The following ARFIP1 variants were observed in gnomAD, a reference collection of about 807,000 sequenced individuals.
ARFIP1 encodes arfaptin-1.
ARFIP1 carries 24 observed loss-of-function variants against 42.5 expected under a neutral mutation model. That is an observed-to-expected ratio of 0.57 (90% CI 0.41 to 0.80). The LOEUF is 0.80. Ranked by LOEUF, ARFIP1 falls within the 30% of genes least tolerant of loss-of-function variation. The pLI is 0.00. For synonymous variants in ARFIP1, 141 were observed against 153.7 expected (o/e 0.92, Z 0.61); for missense variants, 354 against 434.0 (o/e 0.82, Z 1.64).
At chr4:152,867,497 A>G (rs1015570915) in intron 3 of ARFIP1, among the ~76,000 whole-genome samples, 7 of 152,030 alleles carry the variant, frequency 4.6e-5, no homozygotes, top group Admixed American at 4.6e-4. Context: ...AAAGAGAGGG[A>G]GAGGGAGACC....
chr4:152,810,590 T>C (rs1729365678), intron 1 of ARFIP1, among the ~76,000 whole-genome samples: 1 of 151,534 alleles, frequency 6.6e-6, no homozygotes, highest in African/African-American at 2.4e-5. Flanking sequence ...GGGTGGATCA[T>C]GAGGTCAGGA....
At chr4:152,808,099 G>A (rs1024856659) in intron 1 of ARFIP1, among the ~76,000 whole-genome samples, 2 of 151,914 alleles carry the variant, frequency 1.3e-5, no homozygotes, top group Non-Finnish European at 2.9e-5. Context: ...TCCTGCCTCA[G>A]CCTCCCAAGT....
intron 2 of ARFIP1, among the ~76,000 whole-genome samples, chr4:152,847,704 T>G (rs1158887856): frequency 3.3e-5 from 5 of 152,162 alleles, no homozygotes; most frequent in African/African-American, 9.7e-5. Context: ...TGGATGCTGT[T>G]ATAGTGCTGG....
chr4:152,886,100 T>C (rs1736238219), intron 7 of ARFIP1, among the ~76,000 whole-genome samples: 1 of 151,984 alleles, frequency 6.6e-6, no homozygotes, highest in African/African-American at 2.4e-5. Flanking sequence ...CCTAAATCTT[T>C]TGTATTTGTC....
intron 5 of ARFIP1, among the ~76,000 whole-genome samples, chr4:152,875,781 A>C (rs1488081059): frequency 2.7e-5 from 4 of 150,288 alleles, no homozygotes; most frequent in African/African-American, 9.8e-5. Context: ...CTGTGTCCCC[A>C]TCCAAATCTC....
chr4:152,857,496 T>C (rs908615207), intron 2 of ARFIP1, among the ~76,000 whole-genome samples: 3 of 152,236 alleles, frequency 2.0e-5, no homozygotes, highest in Non-Finnish European at 4.4e-5. Flanking sequence ...GTCCCAGTTT[T>C]CTCATCTGTA....
In ARFIP1 at chr4:152,852,858, T is replaced by C. The variant is rs555781335; in HGVS notation, c.94-10748T>C. The stretch of plus-strand genomic sequence containing the variant: ...ATCAGAATGATAGTTCTCTTCAGAA[T>C]TGGAATTCAACCTATTTGTATCATT... On this transcript the variant is annotated intron_variant, in intron 2 of 8. Transcript: ENST00000353617. 2.0e-5 allele frequency among the ~76,000 whole-genome samples: 3 copies of C among 152,334 alleles called. No individual in the cohort carries two copies. The East Asian group carries it at 5.8e-4, about 29-fold the overall frequency.
intron 1 of ARFIP1, among the ~76,000 whole-genome samples, chr4:152,824,311 C>CAAAAAAAAAAAAAAAAAAAA (rs111552594): frequency 8.4e-6 from 1 of 118,812 alleles, no homozygotes; most frequent in Non-Finnish European, 1.8e-5. Flanking sequence ...AGACTCTTAT[C>CAAAAAAAAAAAAAAAAAAAA]AAAAAAAAAA....
At chr4:152,845,449 A>C (rs1451821132) in intron 2 of ARFIP1, among the ~76,000 whole-genome samples, 1 of 152,222 alleles carries the variant, frequency 6.6e-6, no homozygotes. Context: ...TTTGCAGACT[A>C]TGCATCTGAC....
intron 2 of ARFIP1, among the ~76,000 whole-genome samples, chr4:152,838,913 G>T (rs938411599): frequency 5.3e-5 from 8 of 152,052 alleles, no homozygotes; most frequent in African/African-American, 1.7e-4. Flanking sequence ...GTTGGCTGTG[G>T]GGTTTCTCAT....
intron 3 of ARFIP1, among the ~76,000 whole-genome samples, chr4:152,868,944 T>G (rs1006580698): frequency 7.2e-5 from 11 of 152,228 alleles, no homozygotes; most frequent in Non-Finnish European, 1.3e-4. Flanking sequence ...CTGGGCTTCA[T>G]TAATCTTACC....
intron 1 of ARFIP1, among the ~76,000 whole-genome samples, chr4:152,790,080 C>G (rs899289242): frequency 1.3e-5 from 2 of 152,110 alleles, no homozygotes; most frequent in African/African-American, 4.8e-5. Context: ...TACACTAACT[C>G]ATGTATATAC....
At chr4:152,848,320 G>T (rs934758455) in intron 2 of ARFIP1, among the ~76,000 whole-genome samples, 1 of 152,082 alleles carries the variant, frequency 6.6e-6, no homozygotes, top group Non-Finnish European at 1.5e-5. Flanking sequence ...AATAAATGGT[G>T]AATAAATGAA....
At chr4:152,885,623 T>G (rs552081794) in intron 7 of ARFIP1, among the ~76,000 whole-genome samples, 1 of 152,084 alleles carries the variant, frequency 6.6e-6, no homozygotes, top group African/African-American at 2.4e-5. Flanking sequence ...AGTTTTACTT[T>G]GGTACCACCT....
At chr4:152,844,102 C>T (rs905900630) in intron 2 of ARFIP1, among the ~76,000 whole-genome samples, 1 of 152,212 alleles carries the variant, frequency 6.6e-6, no homozygotes, top group Non-Finnish European at 1.5e-5. Flanking sequence ...TCTGCTGCTT[C>T]GTGTACCACT....
intron 2 of ARFIP1, among the ~76,000 whole-genome samples, chr4:152,854,991 G>A (rs191017820): frequency 1.3e-5 from 2 of 152,332 alleles, no homozygotes; most frequent in East Asian, 1.9e-4. Flanking sequence ...AGGTGGGCAG[G>A]TTCTTGGACC....
rs1343488681 is a variant in ARFIP1, at chr4:152,911,761, T to C, written c.*1542T>C. On this transcript the variant is annotated 3_prime_UTR_variant, in exon 9 of 9. Transcript: ENST00000353617. ...GTAATGTGATTGTAAATCATACCTA[T>C]TTTAAATCATTCCTTCCTGTATATT... The C allele has an allele frequency of 6.6e-6, 1 of 152,628 alleles. No individual in the cohort carries two copies. Among genetic ancestry groups the C allele is most frequent in the Admixed American group, 6.5e-5 (1 of 15,284 alleles). 9.5% of individuals were successfully genotyped at this position (152,628 alleles called of 1,614,324 possible).
Position 152,868,203 on chromosome 4 carries a change from T to C in ARFIP1, c.203-2550T>C, listed in dbSNP as rs147693657. On this transcript the variant is annotated intron_variant, in intron 3 of 8. Coordinates refer to ENST00000353617, the MANE Select transcript of ARFIP1 (RefSeq NM_001025595.3). ...TGAAATCGGCCTAGCACCAAAGATG[T>C]TGCAGAATCAGTAATAGTGGAAATC... 2.8e-3 allele frequency among the ~76,000 whole-genome samples: 419 copies of C among 152,346 alleles called. 3 individuals are homozygous for C. Among genetic ancestry groups the C allele is most frequent in the African/African-American group, 9.8e-3 (407 of 41,594 alleles).
intron 2 of ARFIP1, among the ~76,000 whole-genome samples, chr4:152,838,402 T>C (rs906022393): frequency 3.3e-5 from 5 of 152,250 alleles, no homozygotes; most frequent in African/African-American, 4.8e-5. Context: ...TACCCATCCA[T>C]GAGTATGGGA....
Sources: allele counts gnomAD v4.1 joint callset (sites outside exome capture counted in the v4.1 genomes callset), GRCh38; gene constraint gnomAD v4.1.1; transcripts MANE v1.5; gene names NCBI Gene and HGNC (gene_info 2026-07-23, HGNC 2026-07-21).